Variants in CNTNAP2 observed in about 807,000 individuals in gnomAD.
CNTNAP2 encodes contactin associated protein 2.
In CNTNAP2, 98 loss-of-function variants were observed where a neutral mutation model predicts 155.2. The ratio of observed to expected loss-of-function variants is 0.63; its 90% CI spans 0.54 to 0.75. The LOEUF (loss-of-function observed/expected upper bound fraction) is 0.75, where lower values mean the gene tolerates loss of function less well. CNTNAP2 is among the 30% of genes least tolerant of loss of function. The probability of loss-of-function intolerance (pLI) is 0.00; values close to 1 mark genes in which losing one functional copy is unlikely to be tolerated. For synonymous variants in CNTNAP2, 651 were observed against 631.2 expected (o/e 1.03, Z -0.47); for missense variants, 1,727 against 1,688.1 (o/e 1.02, Z -0.40).
At chr7:147,159,305 G>A (rs1209426267) in intron 8 of CNTNAP2, among the ~76,000 whole-genome samples, 1 of 152,058 alleles carries the variant, frequency 6.6e-6, no homozygotes, top group Non-Finnish European at 1.5e-5. Context: ...TTGCATTTCA[G>A]AAATACGATT....
chr7:147,274,311 T>C (rs1804842464), intron 8 of CNTNAP2, among the ~76,000 whole-genome samples: 6 of 152,106 alleles, frequency 3.9e-5, no homozygotes, highest in Admixed American at 3.3e-4. Context: ...TCCTTACCAA[T>C]ATCTGATGTT....
chr7:146,659,452 CA>C (rs2129165638), intron 1 of CNTNAP2, among the ~76,000 whole-genome samples: 1 of 152,188 alleles, frequency 6.6e-6, no homozygotes, highest in East Asian at 1.9e-4. Flanking sequence ...GAGCTCATGG[CA>C]AAAATGTCCT....
At chr7:147,482,720 CAATAAATA>C (rs71527814) in intron 10 of CNTNAP2, among the ~76,000 whole-genome samples, 2,660 of 138,274 alleles carry the variant, frequency 0.019, 30 homozygotes, top group African/African-American at 0.028. Flanking sequence ...GATTCCGTCT[CAATAAATA>C]AATAAATAAA....
intron 1 of CNTNAP2, among the ~76,000 whole-genome samples, chr7:146,149,873 C>A (rs1584773426): frequency 1.6e-5 from 2 of 125,682 alleles, no homozygotes; most frequent in Admixed American, 8.2e-5. Flanking sequence ...CAGCATTAGC[C>A]ACAAAGAAAA....
chr7:146,378,656 C>T (rs997680509), intron 1 of CNTNAP2, among the ~76,000 whole-genome samples: 1 of 152,126 alleles, frequency 6.6e-6, no homozygotes, highest in African/African-American at 2.4e-5. Context: ...AATCCGAGTC[C>T]ATACCCTTAG....
At chr7:146,608,119 A>C (rs1449281872) in intron 1 of CNTNAP2, among the ~76,000 whole-genome samples, 1 of 152,216 alleles carries the variant, frequency 6.6e-6, no homozygotes, top group Admixed American at 6.5e-5. Flanking sequence ...AACTAAACAA[A>C]TACTTTATAA....
At chr7:148,136,337 G>T (rs1804948569) in intron 16 of CNTNAP2, among the ~76,000 whole-genome samples, 1 of 151,942 alleles carries the variant, frequency 6.6e-6, no homozygotes, top group South Asian at 2.1e-4. Flanking sequence ...GAATGGCTTG[G>T]TGCTCTTCCC....
intron 9 of CNTNAP2, among the ~76,000 whole-genome samples, chr7:147,307,594 C>T (rs906340649): frequency 4.6e-5 from 7 of 151,674 alleles, no homozygotes; most frequent in Non-Finnish European, 1.0e-4. Flanking sequence ...CCACCTGCCC[C>T]CCCAAAAAAG....
At chr7:147,926,107 G>T (rs1051936483) in intron 14 of CNTNAP2, among the ~76,000 whole-genome samples, 4 of 152,158 alleles carry the variant, frequency 2.6e-5, no homozygotes, top group African/African-American at 4.8e-5. Flanking sequence ...AGATGTAAAT[G>T]ATATTTGAGC....
chr7:148,051,286 C>T (rs943995145), intron 15 of CNTNAP2, among the ~76,000 whole-genome samples: 2 of 152,048 alleles, frequency 1.3e-5, no homozygotes, highest in Admixed American at 6.6e-5. Context: ...CAATAGGTAA[C>T]CAAAATTAAA....
chr7:147,167,620 T>C (rs1395352794), intron 8 of CNTNAP2: 4 of 634,758 alleles, frequency 6.3e-6, no homozygotes, highest in South Asian at 6.1e-5. Context: ...TAGTTTTATA[T>C]GCAGCTGTCC....
At chr7:147,528,415 A>G (rs1331103336) in intron 11 of CNTNAP2, among the ~76,000 whole-genome samples, 1 of 152,182 alleles carries the variant, frequency 6.6e-6, no homozygotes, top group African/African-American at 2.4e-5. Flanking sequence ...AGAAGGGCTC[A>G]GAAAGGCTGC....
At chr7:148,381,226 C>T (rs908991096) in intron 21 of CNTNAP2, among the ~76,000 whole-genome samples, 1 of 152,218 alleles carries the variant, frequency 6.6e-6, no homozygotes, top group African/African-American at 2.4e-5. Flanking sequence ...TAAGTATCAA[C>T]AGCTCAGTGG....
chr7:146,915,411 C>T (rs1055874568), intron 3 of CNTNAP2, among the ~76,000 whole-genome samples: 1 of 152,134 alleles, frequency 6.6e-6, no homozygotes, highest in African/African-American at 2.4e-5. Context: ...GCAGTATGGT[C>T]ATTTTCACAA....
At chr7:148,212,251 T>C (rs1483274761) in intron 18 of CNTNAP2, among the ~76,000 whole-genome samples, 2 of 152,146 alleles carry the variant, frequency 1.3e-5, no homozygotes, top group Admixed American at 1.3e-4. Context: ...ATGTCAAACA[T>C]CTGCAAACTT....
intron 4 of CNTNAP2, among the ~76,000 whole-genome samples, chr7:147,076,155 G>A (rs1799996264): frequency 6.6e-6 from 1 of 152,182 alleles, no homozygotes; most frequent in Non-Finnish European, 1.5e-5. Context: ...CCAGTAATGG[G>A]ACAGCTGGGT....
chr7:147,426,496 A>G (rs1408839943), intron 10 of CNTNAP2, among the ~76,000 whole-genome samples: 2 of 152,068 alleles, frequency 1.3e-5, no homozygotes, highest in Non-Finnish European at 2.9e-5. Flanking sequence ...ATTCCTTTCC[A>G]CCGAGCAAAG....
At chr7:146,461,080 A>G (rs913850087) in intron 1 of CNTNAP2, among the ~76,000 whole-genome samples, 2 of 152,170 alleles carry the variant, frequency 1.3e-5, no homozygotes, top group Non-Finnish European at 2.9e-5. Context: ...ACTGTACACC[A>G]TAAAAATATG....
chr7:147,671,594 T>C (rs1795787395), intron 13 of CNTNAP2: 1 of 151,996 alleles, frequency 6.6e-6, no homozygotes, highest in African/African-American at 2.4e-5. Context: ...TGGGATGGAA[T>C]ACAGAATGTT....
Sources: gnomAD v4.1 joint callset for allele counts (sites outside exome capture counted in the v4.1 genomes callset) on GRCh38, gnomAD v4.1.1 for gene constraint, MANE v1.5 for transcripts, NCBI Gene and HGNC (gene_info 2026-07-23, HGNC 2026-07-21) for gene names.